DOCK8: variants seen among roughly 807,000 people sequenced by gnomAD.
DOCK8 encodes dedicator of cytokinesis 8.
A neutral mutation model predicts 245.6 loss-of-function variants in DOCK8; 141 were observed. That is an observed-to-expected ratio of 0.57 (90% CI 0.50 to 0.66). The LOEUF (loss-of-function observed/expected upper bound fraction) is 0.66, where lower values mean the gene tolerates loss of function less well. Among genes scored for constraint, DOCK8 ranks in the 30% least tolerant of loss-of-function variants. The probability of loss-of-function intolerance (pLI) is 0.00; values close to 1 mark genes in which losing one functional copy is unlikely to be tolerated. For synonymous variants in DOCK8, 1,168 were observed against 970.2 expected (o/e 1.20, Z -3.79); for missense variants, 2,965 against 2,603.4 (o/e 1.14, Z -3.02).
intron 44 of DOCK8, among the ~76,000 whole-genome samples, chr9:447,971 AAC>A (rs1237159417): frequency 6.6e-6 from 1 of 152,222 alleles, no homozygotes; most frequent in Non-Finnish European, 1.5e-5. Flanking sequence ...TTCTAGGCAT[AAC>A]ACAGATATAA....
chr9:307,604 CA>C (rs935230210), intron 5 of DOCK8, among the ~76,000 whole-genome samples: 1 of 152,058 alleles, frequency 6.6e-6, no homozygotes, highest in Admixed American at 6.5e-5. Flanking sequence ...GTGATCCACC[CA>C]CCTTGGCCTC....
At chr9:239,361 C>G (rs1004888685) in intron 1 of DOCK8, among the ~76,000 whole-genome samples, 1 of 152,126 alleles carries the variant, frequency 6.6e-6, no homozygotes. Flanking sequence ...ATATGATTGC[C>G]TTTTCCAAAA....
At chr9:215,368 C>T (rs779437157) in intron 1 of DOCK8, 2 of 1,591,552 alleles carry the variant, frequency 1.3e-6, no homozygotes, top group East Asian at 2.4e-5. Context: ...CCTGGGTAAC[C>T]GTGTTGGGCG....
intron 6 of DOCK8, among the ~76,000 whole-genome samples, chr9:313,719 A>C (rs544173959): frequency 6.6e-6 from 1 of 152,372 alleles, no homozygotes; most frequent in South Asian, 2.1e-4. Context: ...AATGTGTTAC[A>C]TATTTCAAAA....
intron 28 of DOCK8, among the ~76,000 whole-genome samples, chr9:412,571 T>C (rs1284962408): frequency 6.6e-6 from 1 of 152,172 alleles, no homozygotes; most frequent in Non-Finnish European, 1.5e-5. Context: ...CAGTGTTGCA[T>C]GGTATAAGAT....
In DOCK8 at chr9:340,252, G is replaced by A. The variant is rs564090348; in HGVS notation, c.1610G>A (p.Arg537Gln). ...MLPVKPFPEN[R>Q]TRPHKEILEF... ...CCCGTGAAACCCTTTCCTGAAAACC[G>A]GACACGCCCGCACAAAGAGATTTTG... The change falls in exon 14 of 48, where the codon CGG becomes CAG. Residue 537 changes from arginine to glutamine, a missense_variant. This residue lies in a region of DOCK8 where 2,825 missense variants were observed against 2,453.5 expected (regional missense o/e 1.15). Transcript: ENST00000432829. 69 of 1,614,060 alleles carry A rather than the reference G, an allele frequency of 4.3e-5. No individual in the cohort carries two copies. The highest frequency in any genetic ancestry group is 5.3e-5 in the Non-Finnish European group (63 of 1,180,024).
chr9:441,719 C>A (rs972222288), intron 41 of DOCK8, among the ~76,000 whole-genome samples, 156 bp from the exon 42 acceptor site: 2 of 152,150 alleles, frequency 1.3e-5, no homozygotes, highest in African/African-American at 2.4e-5. Context: ...AAGTTTATTC[C>A]ATAAGCATTA....
chr9:396,664 C>A, intron 24 of DOCK8, 121 bp from the exon 25 acceptor site: 1 of 1,381,906 alleles, frequency 7.2e-7, no homozygotes, highest in Non-Finnish European at 1.0e-6. Context: ...ACCACCAGCA[C>A]AGATAAAGTG....
At chr9:225,596 C>G (rs149733831) in intron 1 of DOCK8, among the ~76,000 whole-genome samples, 257 of 152,244 alleles carry the variant, frequency 1.7e-3, no homozygotes, top group Middle Eastern at 3.4e-3. Context: ...TGCTTATAGC[C>G]TACTATGTGC....
chr9:300,344 A>G (rs748136881), intron 4 of DOCK8, among the ~76,000 whole-genome samples: 3 of 152,132 alleles, frequency 2.0e-5, no homozygotes, highest in Non-Finnish European at 4.4e-5. Flanking sequence ...TGATCTACCT[A>G]ATACCTTCCA....
intron 28 of DOCK8, among the ~76,000 whole-genome samples, chr9:413,623 G>A (rs1399613662): frequency 6.6e-6 from 1 of 152,166 alleles, no homozygotes; most frequent in Non-Finnish European, 1.5e-5. Flanking sequence ...TTTCTCCAAA[G>A]AAGATACAGC....
Position 311,955 on chromosome 9 carries a change from C to G in DOCK8, c.530C>G (p.Ala177Gly). 1 of 1,613,616 alleles carries G rather than the reference C, an allele frequency of 6.2e-7. No individual in the cohort carries two copies. Among genetic ancestry groups the G allele is most frequent in the Non-Finnish European group, 8.5e-7 (1 of 1,180,000 alleles). Residue 177 changes from alanine to glycine, a missense_variant and splice_region_variant, in exon 6 of 48, where the codon GCA (alanine) becomes GGA (glycine). Coordinates refer to ENST00000432829, the MANE Select transcript of DOCK8 (RefSeq NM_203447.4). Reference sequence around the variant, plus strand: ...AAGACCCACTGTTTTCTCTCACAGGCAGGCCCCCGCCACTTAAACGTGCTG... The same window carrying G: ...AAGACCCACTGTTTTCTCTCACAGGGAGGCCCCCGCCACTTAAACGTGCTG... ...TLECSEPAAQ[A>G]GPRHLNVLCD...
chr9:262,807 A>C (rs1038663666), intron 1 of DOCK8, among the ~76,000 whole-genome samples: 8 of 152,230 alleles, frequency 5.3e-5, no homozygotes, highest in African/African-American at 1.9e-4. Context: ...AATTATACTC[A>C]ATCTGTTTTT....
chr9:453,615 T>A (rs1211150595), intron 46 of DOCK8, among the ~76,000 whole-genome samples: 1 of 152,048 alleles, frequency 6.6e-6, no homozygotes, highest in African/African-American at 2.4e-5. Context: ...TTGGTAGAAA[T>A]GGGGTTTCAC....
At chr9:311,307 A>G (rs561992431) in intron 5 of DOCK8, among the ~76,000 whole-genome samples, 170 of 151,206 alleles carry the variant, frequency 1.1e-3, no homozygotes, top group African/African-American at 3.9e-3. Context: ...AAAGGTAATC[A>G]TACCTCACTG....
intron 46 of DOCK8, among the ~76,000 whole-genome samples, chr9:459,452 T>C (rs1186389729): frequency 6.6e-6 from 1 of 152,244 alleles, no homozygotes; most frequent in Non-Finnish European, 1.5e-5. Flanking sequence ...CATTTATTAA[T>C]TGCTGTGTAA....
At chr9:365,129 T>C (rs1005320097) in intron 14 of DOCK8, among the ~76,000 whole-genome samples, 1 of 152,160 alleles carries the variant, frequency 6.6e-6, no homozygotes, top group Non-Finnish European at 1.5e-5. Flanking sequence ...TGACGAAAAG[T>C]TTGGGAAACC....
intron 17 of DOCK8, 128 bp from the exon 18 acceptor site, chr9:372,057 C>G: frequency 1.2e-6 from 1 of 811,738 alleles, no homozygotes; most frequent in East Asian, 2.7e-5. Flanking sequence ...ACAGAAATTA[C>G]TGCCAAAAAG....
Position 283,357 on chromosome 9 carries a change from C to T in DOCK8, c.157-3104C>T, listed in dbSNP as rs147114812. ...GTGGAAAATTCCACACCTGACCTCA[C>T]GTGATAGGTCACAGTCAAAACATTG... is the stretch of plus-strand genomic sequence containing the variant. On this transcript the variant is annotated intron_variant, in intron 2 of 47. Transcript: ENST00000432829. 2.9e-3 allele frequency among the ~76,000 whole-genome samples: 442 copies of T among 152,316 alleles called. 2 individuals are homozygous for T. Among genetic ancestry groups the T allele is most frequent in the African/African-American group, 0.01 (418 of 41,570 alleles).
Sources: allele counts gnomAD v4.1 joint callset (sites outside exome capture counted in the v4.1 genomes callset), GRCh38; gene constraint gnomAD v4.1.1; regional missense constraint gnomAD v4.1.1; transcripts MANE v1.5; gene names NCBI Gene and HGNC (gene_info 2026-07-23, HGNC 2026-07-21).